ABAT: variants seen among roughly 807,000 people sequenced by gnomAD.
ABAT encodes the protein 4-aminobutyrate aminotransferase, mitochondrial.
ABAT carries 45 observed loss-of-function variants against 64.6 expected under a neutral mutation model. The observed-to-expected ratio is 0.70, with a 90% confidence interval of 0.55 to 0.89. The LOEUF is 0.89. Among genes scored for constraint, ABAT ranks in the 40% least tolerant of loss-of-function variants. The pLI is 0.00. For missense variants in ABAT, 633 were observed against 658.4 expected (o/e 0.96, Z 0.42); for synonymous variants, 297 against 250.5 (o/e 1.19, Z -1.75).
At chr16:8,766,701 G>A (rs951735536) in intron 9 of ABAT, among the ~76,000 whole-genome samples, 3 of 151,456 alleles carry the variant, frequency 2.0e-5, no homozygotes, top group African/African-American at 7.3e-5. Context: ...GGCTGCTGTG[G>A]TTCACGCCTG....
intron 1 of ABAT, among the ~76,000 whole-genome samples, chr16:8,695,145 G>A (rs2057673774): frequency 1.3e-5 from 2 of 152,186 alleles, no homozygotes; most frequent in Non-Finnish European, 2.9e-5. Context: ...AGTCTGGAGA[G>A]CCCCAGCTTT....
intron 1 of ABAT, among the ~76,000 whole-genome samples, chr16:8,708,764 T>TC (rs2058006297): frequency 1.3e-5 from 2 of 152,176 alleles, no homozygotes; most frequent in Admixed American, 1.3e-4. Context: ...AAACTGCAGT[T>TC]CCCCAGATAA....
intron 1 of ABAT, among the ~76,000 whole-genome samples, chr16:8,698,727 G>A (rs976199094): frequency 4.6e-5 from 7 of 152,096 alleles, no homozygotes; most frequent in African/African-American, 1.2e-4. Context: ...GGCAGATCAC[G>A]TGAGGTCAGG....
intron 1 of ABAT, among the ~76,000 whole-genome samples, chr16:8,735,310 G>A (rs2058887436): frequency 6.6e-6 from 1 of 151,914 alleles, no homozygotes; most frequent in Admixed American, 6.6e-5. Flanking sequence ...GGAGAGCAGT[G>A]GCGCGATTAT....
At chr16:8,769,876 A>C (rs1175564339) in intron 11 of ABAT, among the ~76,000 whole-genome samples, 1 of 152,208 alleles carries the variant, frequency 6.6e-6, no homozygotes, top group Non-Finnish European at 1.5e-5. Flanking sequence ...AACTCAAATA[A>C]GGCTGCTGGT....
chr16:8,732,931 A>T (rs1412614531), intron 1 of ABAT, among the ~76,000 whole-genome samples: 1 of 143,754 alleles, frequency 7.0e-6, no homozygotes, highest in Non-Finnish European at 1.5e-5. Context: ...CGGGGGGCTG[A>T]CCCCCCTACC....
intron 5 of ABAT, among the ~76,000 whole-genome samples, chr16:8,755,140 G>GT (rs113492557): frequency 0.087 from 13,167 of 151,098 alleles, 755 homozygotes; most frequent in Middle Eastern, 0.18. Flanking sequence ...ATTCGTTTTT[G>GT]TTTTTTTTTA....
chr16:8,675,181 A>G (rs1253550017), intron 1 of ABAT, among the ~76,000 whole-genome samples: 1 of 151,784 alleles, frequency 6.6e-6, no homozygotes, highest in Non-Finnish European at 1.5e-5. Flanking sequence ...CCCCATCATA[A>G]GACAAGGAAA....
intron 1 of ABAT, chr16:8,683,265 C>G (rs545500105): frequency 6.5e-6 from 1 of 153,118 alleles, no homozygotes. Context: ...CTGAGCAGGG[C>G]GGCACATGCC....
At chr16:8,738,309 T>C (rs936293263) in intron 2 of ABAT, 1 of 421,816 alleles carries the variant, frequency 2.4e-6, no homozygotes, top group Non-Finnish European at 4.7e-6. Flanking sequence ...TGGCCTTGTC[T>C]TAAAATAATA....
intron 1 of ABAT, among the ~76,000 whole-genome samples, chr16:8,724,334 G>C (rs1295430597): frequency 1.3e-5 from 2 of 152,198 alleles, no homozygotes; most frequent in Non-Finnish European, 2.9e-5. Flanking sequence ...AGCTAAAAGA[G>C]GCCGTAAAAT....
chr16:8,753,469 C>T (rs1344793303), intron 5 of ABAT, among the ~76,000 whole-genome samples: 1 of 152,224 alleles, frequency 6.6e-6, no homozygotes, highest in African/African-American at 2.4e-5. Context: ...GGGGGTCCCA[C>T]AGCATAGAAA....
At chr16:8,753,000 C>G (rs1189921132) in intron 5 of ABAT, among the ~76,000 whole-genome samples, 1 of 152,018 alleles carries the variant, frequency 6.6e-6, no homozygotes, top group Non-Finnish European at 1.5e-5. Flanking sequence ...GGGCCCGAGT[C>G]TCAAGAGCTT....
intron 9 of ABAT, among the ~76,000 whole-genome samples, chr16:8,767,512 G>C (rs2059979161): frequency 6.6e-6 from 1 of 152,180 alleles, no homozygotes; most frequent in Non-Finnish European, 1.5e-5. Flanking sequence ...AGAGCCTGTA[G>C]AAAAGGGGCT....
intron 14 of ABAT, among the ~76,000 whole-genome samples, chr16:8,779,185 CAG>C (rs1487427008): frequency 6.6e-6 from 1 of 152,206 alleles, no homozygotes; most frequent in Non-Finnish European, 1.5e-5. Flanking sequence ...GCAGGGTAAA[CAG>C]AGGCACTTGA....
intron 1 of ABAT, among the ~76,000 whole-genome samples, chr16:8,699,380 A>G (rs1256262775): frequency 1.3e-5 from 2 of 152,124 alleles, no homozygotes; most frequent in Non-Finnish European, 2.9e-5. Flanking sequence ...CAGCCTGGGC[A>G]ACATGGTGAA....
chr16:8,761,309 C>G (rs531795376), intron 6 of ABAT, among the ~76,000 whole-genome samples: 1 of 152,102 alleles, frequency 6.6e-6, no homozygotes, highest in East Asian at 1.9e-4. Context: ...TCCCACCTCC[C>G]TTCTCACCCC....
chr16:8,736,111 A>G (rs1640999), intron 2 of ABAT: 308,262 of 404,356 alleles, frequency 0.76, 118,088 homozygotes, highest in East Asian at 0.83. Context: ...GCAAGAGAGC[A>G]TGTGCAGGGG....
chr16:8,711,786 AGATGGATGGATGGATG>A (rs59128291), intron 1 of ABAT, among the ~76,000 whole-genome samples: 1 of 137,114 alleles, frequency 7.3e-6, no homozygotes, highest in African/African-American at 2.9e-5. Context: ...ATGGATGGGA[AGATGGATGGATGGATG>A]GATGGATGGA....
Sources: gnomAD v4.1 joint callset for allele counts (sites outside exome capture counted in the v4.1 genomes callset) on GRCh38, gnomAD v4.1.1 for gene constraint, MANE v1.5 for transcripts, NCBI Gene and HGNC (gene_info 2026-07-23, HGNC 2026-07-21) for gene names.